Variants in CCDC148 observed in about 807,000 individuals in gnomAD.
The protein encoded by CCDC148 is coiled-coil domain containing 148, also known as coiled-coil domain-containing protein 148.
CCDC148 carries 89 observed loss-of-function variants against 85.7 expected under a neutral mutation model. The ratio of observed to expected loss-of-function variants is 1.04; its 90% CI spans 0.87 to 1.24. CCDC148 has a LOEUF of 1.24. Among genes scored for constraint, CCDC148 ranks in the 50% most tolerant of loss-of-function variants. The pLI is 0.00. For synonymous variants in CCDC148, 230 were observed against 213.9 expected (o/e 1.08, Z -0.66); for missense variants, 692 against 671.7 (o/e 1.03, Z -0.33).
chr2:158,430,892 AAG>A (rs1320869319), intron 1 of CCDC148, among the ~76,000 whole-genome samples: 1 of 152,136 alleles, frequency 6.6e-6, no homozygotes, highest in African/African-American at 2.4e-5. Flanking sequence ...TAAAAAATGA[AAG>A]AGACAAATAA....
At chr2:158,203,648 C>T (rs1422960554) in intron 11 of CCDC148, among the ~76,000 whole-genome samples, 5 of 151,072 alleles carry the variant, frequency 3.3e-5, no homozygotes, top group African/African-American at 9.7e-5. Flanking sequence ...AAAGGAGGAC[C>T]AATGTGTACA....
At chr2:158,352,526 A>C (rs1574673631) in intron 2 of CCDC148, among the ~76,000 whole-genome samples, 1 of 151,998 alleles carries the variant, frequency 6.6e-6, no homozygotes, top group East Asian at 1.9e-4. Context: ...AGTTTAGAGA[A>C]AAAAGAATAA....
rs374899983 is a variant in CCDC148 at position 158,329,332 on chromosome 2, C to T, written c.764+9394G>A. ...CAAAGATCAGATGGTTGTAGATATG[C>T]GGCATTATTTCTGAGGGCTCTGTTC... On this transcript the variant is annotated intron_variant, in intron 7 of 13. Coordinates refer to ENST00000283233, the MANE Select transcript of CCDC148 (RefSeq NM_138803.4). Among the ~76,000 whole-genome samples the T allele has an allele frequency of 4.8e-3, 735 of 152,182 alleles. 5 individuals are homozygous for T. The highest frequency in any genetic ancestry group is 0.026 in the South Asian group (127 of 4,814).
At chr2:158,173,134 G>A (rs1684396619) in intron 13 of CCDC148, among the ~76,000 whole-genome samples, 3 of 151,994 alleles carry the variant, frequency 2.0e-5, no homozygotes, top group African/African-American at 4.8e-5. Flanking sequence ...GGCGGCATGC[G>A]GATGGTCTCA....
At chr2:158,410,770 G>A (rs574550539) in intron 1 of CCDC148, among the ~76,000 whole-genome samples, 6 of 152,046 alleles carry the variant, frequency 3.9e-5, no homozygotes, top group Non-Finnish European at 8.8e-5. Flanking sequence ...TAAATTATTT[G>A]TTGTCTATAT....
chr2:158,414,563 CTAAAACT>C (rs1023427957), intron 1 of CCDC148, among the ~76,000 whole-genome samples: 63 of 126,958 alleles, frequency 5.0e-4, no homozygotes, highest in African/African-American at 1.7e-3. Context: ...CACATGTACC[CTAAAACT>C]TAAAAGTATA....
rs890864472 is a variant in CCDC148 at position 158,433,305 on chromosome 2, C to T, written c.25+23110G>A. The stretch of plus-strand genomic sequence containing the variant: ...AACAAAAGCACAAATAAAAGAAAAA[C>T]AATACAGTGGACTTTATCAAAATTA... On this transcript the variant is annotated intron_variant, in intron 1 of 13. Transcript: ENST00000283233. Among the ~76,000 whole-genome samples, 153 of 140,454 alleles carry T rather than the reference C, an allele frequency of 1.1e-3. 3 individuals carry two copies. Among genetic ancestry groups the T allele is most frequent in the African/African-American group, 3.8e-3 (145 of 38,620 alleles). The allele number at this position is 140,454 out of a possible 152,430, so 92.1% of individuals were successfully genotyped here.
At chr2:158,294,552 C>T (rs1164996439) in intron 9 of CCDC148, among the ~76,000 whole-genome samples, 1 of 151,960 alleles carries the variant, frequency 6.6e-6, no homozygotes, top group South Asian at 2.1e-4. Context: ...TAAAGAACTG[C>T]CAAGATTATG....
rs766594219 is a variant in CCDC148 at position 158,456,402 on chromosome 2, G to C, written c.25+13C>G. ...GAGGAAGCAGCGATGGAAGGGATGG[G>C]GTGCAAACTCACCTGGAGAAGCAGA... On this transcript the variant is annotated intron_variant, in intron 1 of 13. Transcript: ENST00000283233. 1.1e-5 allele frequency: 17 copies of C among 1,611,286 alleles called. No individual in the cohort carries two copies. Among genetic ancestry groups the C allele is most frequent in the Non-Finnish European group, 1.4e-5 (16 of 1,178,806 alleles).
At chr2:158,310,163 A>G (rs186260546) in intron 8 of CCDC148, among the ~76,000 whole-genome samples, 5,046 of 152,296 alleles carry the variant, frequency 0.033, 130 homozygotes, top group Admixed American at 0.046. Flanking sequence ...CTGTTTAACA[A>G]AGCACATCTT....
At chr2:158,352,100 A>G (rs1406246911) in intron 2 of CCDC148, among the ~76,000 whole-genome samples, 10 of 147,086 alleles carry the variant, frequency 6.8e-5, no homozygotes. Context: ...AAAGACCAAA[A>G]GTAGATAAAA....
At chr2:158,413,694 A>G (rs557777651) in intron 1 of CCDC148, among the ~76,000 whole-genome samples, 1 of 151,534 alleles carries the variant, frequency 6.6e-6, no homozygotes, top group Non-Finnish European at 1.5e-5. Flanking sequence ...TTTGCTTGTC[A>G]TTCCGTCTCT....
At chr2:158,271,239 AC>A (rs1689686326) in intron 9 of CCDC148, among the ~76,000 whole-genome samples, 1 of 152,192 alleles carries the variant, frequency 6.6e-6, no homozygotes, top group South Asian at 2.1e-4. Flanking sequence ...CTAATTCACC[AC>A]TAAATGAATA....
intron 2 of CCDC148, among the ~76,000 whole-genome samples, chr2:158,351,733 G>T (rs1385058201): frequency 1.3e-5 from 2 of 152,246 alleles, no homozygotes; most frequent in South Asian, 4.1e-4. Context: ...CACAGCTCAA[G>T]GAGGCCTGCC....
intron 1 of CCDC148, among the ~76,000 whole-genome samples, chr2:158,388,211 A>T (rs13391688): frequency 0.058 from 8,776 of 151,746 alleles, 484 homozygotes; most frequent in African/African-American, 0.15. Context: ...ACCCTTAGAA[A>T]AGAAGCCAGT....
At chr2:158,173,761 G>A (rs1383067254) in intron 13 of CCDC148, among the ~76,000 whole-genome samples, 1 of 152,006 alleles carries the variant, frequency 6.6e-6, no homozygotes, top group Non-Finnish European at 1.5e-5. Flanking sequence ...CTGTCTCAAT[G>A]TCTTCTCCCT....
chr2:158,422,283 CA>C (rs1686835393), intron 1 of CCDC148, among the ~76,000 whole-genome samples: 1 of 151,910 alleles, frequency 6.6e-6, no homozygotes, highest in Non-Finnish European at 1.5e-5. Flanking sequence ...GAGACACAAC[CA>C]AAAAAGATAA....
At chr2:158,253,045 T>C (rs189265795) in intron 9 of CCDC148, among the ~76,000 whole-genome samples, 2 of 151,880 alleles carry the variant, frequency 1.3e-5, no homozygotes, top group African/African-American at 2.4e-5. Flanking sequence ...TTACTATGTA[T>C]ACACATCAAC....
At chr2:158,174,686 T>C (rs2105256609) in intron 13 of CCDC148, among the ~76,000 whole-genome samples, 1 of 152,160 alleles carries the variant, frequency 6.6e-6, no homozygotes, top group Admixed American at 6.5e-5. Context: ...AGCATTAGTG[T>C]GCTCATTACT....
Sources: allele counts gnomAD v4.1 joint callset (sites outside exome capture counted in the v4.1 genomes callset), GRCh38; gene constraint gnomAD v4.1.1; transcripts MANE v1.5; gene names NCBI Gene and HGNC (gene_info 2026-07-23, HGNC 2026-07-21).